The following FRMPD4 variants were observed in gnomAD, a reference collection of about 807,000 sequenced individuals.
The protein encoded by FRMPD4 is FERM and PDZ domain containing 4.
Under a neutral mutation model 94.1 loss-of-function variants are expected in FRMPD4, and 22 were observed. The ratio of observed to expected loss-of-function variants is 0.23; its 90% CI spans 0.17 to 0.33. FRMPD4 has a LOEUF of 0.33. FRMPD4 is among the 10% of genes least tolerant of loss of function. The pLI, the probability that FRMPD4 is intolerant of heterozygous loss-of-function variation, is 1.00. For missense variants in FRMPD4, 1,111 were observed against 1,339.9 expected, an observed-to-expected ratio of 0.83 and a Z score of 2.67; for synonymous variants, 631 against 548.6, an observed-to-expected ratio of 1.15 and a Z score of -2.10.
chrX:12,347,536 T>C (rs960027637), intron 1 of FRMPD4, among the ~76,000 whole-genome samples: 1 of 112,161 alleles, frequency 8.9e-6, no homozygotes, highest in African/African-American at 3.2e-5. Context: ...ATGCCTGACC[T>C]TGAATTTTTA....
intron 1 of FRMPD4, among the ~76,000 whole-genome samples, chrX:12,457,809 C>T (rs930562360): frequency 1.8e-5 from 2 of 111,805 alleles, no homozygotes; most frequent in Non-Finnish European, 1.9e-5. Context: ...TTACCATCAC[C>T]GTCTCTCTTA....
intron 3 of FRMPD4, among the ~76,000 whole-genome samples, chrX:11,971,416 A>G (rs2054339703): frequency 8.8e-6 from 1 of 113,131 alleles, no homozygotes; most frequent in Admixed American, 9.3e-5. Flanking sequence ...GTATAAATTT[A>G]ACAATGTAAA....
At chrX:12,436,169 C>A (rs2057064490) in intron 1 of FRMPD4, among the ~76,000 whole-genome samples, 1 of 110,736 alleles carries the variant, frequency 9.0e-6, no homozygotes, top group Non-Finnish European at 1.9e-5. Flanking sequence ...TCACATCTGG[C>A]TAATTTTTGT....
At chrX:12,608,986 C>T (rs1442764865) in intron 2 of FRMPD4, among the ~76,000 whole-genome samples, 2 of 112,305 alleles carry the variant, frequency 1.8e-5, no homozygotes, top group African/African-American at 6.5e-5. Context: ...ATACTGTTGA[C>T]CAGAAGTCTT....
intron 2 of FRMPD4, among the ~76,000 whole-genome samples, chrX:12,600,833 TATA>T (rs1256740699): frequency 1.8e-5 from 2 of 112,260 alleles, no homozygotes; most frequent in African/African-American, 6.5e-5. Flanking sequence ...ATTGTCTTTT[TATA>T]ATAAGTTCTG....
chrX:11,867,879 A>T (rs938844991), intron 2 of FRMPD4, among the ~76,000 whole-genome samples: 1 of 111,415 alleles, frequency 9.0e-6, no homozygotes, highest in Admixed American at 9.5e-5. Flanking sequence ...CGTTTCCAAG[A>T]TCCCCATGAG....
At chrX:12,480,871 A>G (rs73438720) in intron 1 of FRMPD4, among the ~76,000 whole-genome samples, 6,221 of 111,972 alleles carry the variant, frequency 0.056, 439 homozygotes, top group African/African-American at 0.19. Flanking sequence ...TTTGGTATGG[A>G]TATTTTCCCT....
chrX:12,165,481 T>C (rs1348632214), intron 1 of FRMPD4, among the ~76,000 whole-genome samples: 11 of 111,713 alleles, frequency 9.8e-5, no homozygotes, highest in Admixed American at 3.8e-4. Flanking sequence ...AGTCAGGTAG[T>C]GTGATGCCTC....
intron 1 of FRMPD4, among the ~76,000 whole-genome samples, chrX:12,306,080 C>CA (rs11291162): frequency 0.066 from 3,530 of 53,581 alleles, 174 homozygotes; most frequent in African/African-American, 0.17. Context: ...TGCTGTGCTT[C>CA]AAAAAAAAAA....
chrX:12,418,236 A>G (rs1422249008), intron 1 of FRMPD4, among the ~76,000 whole-genome samples: 1 of 109,982 alleles, frequency 9.1e-6, no homozygotes, highest in East Asian at 2.8e-4. Flanking sequence ...CCATCACCAT[A>G]GAGACAGCTT....
chrX:12,011,006 G>A (rs1352268017), intron 3 of FRMPD4, among the ~76,000 whole-genome samples: 1 of 112,423 alleles, frequency 8.9e-6, no homozygotes, highest in Non-Finnish European at 1.9e-5. Context: ...GAATGCACTG[G>A]AGTGGGTGTA....
chrX:12,057,339 G>T (rs1227554562), intron 3 of FRMPD4, among the ~76,000 whole-genome samples: 1 of 111,495 alleles, frequency 9.0e-6, no homozygotes, highest in African/African-American at 3.3e-5. Context: ...ATTTGTGTCT[G>T]CTGTTCTGTG....
chrX:12,047,412 C>A (rs1236112030), intron 3 of FRMPD4, among the ~76,000 whole-genome samples: 2 of 111,390 alleles, frequency 1.8e-5, no homozygotes, highest in Admixed American at 9.5e-5. Flanking sequence ...AAATTTATAA[C>A]CCTAAATTCT....
At chrX:11,852,573 T>G (rs1319985798) in intron 1 of FRMPD4, among the ~76,000 whole-genome samples, 1 of 111,817 alleles carries the variant, frequency 8.9e-6, no homozygotes, top group Admixed American at 9.5e-5. Context: ...CTGTGTGTAC[T>G]TTAAAAGAAT....
At chrX:12,441,752 A>T (rs1031179367) in intron 1 of FRMPD4, among the ~76,000 whole-genome samples, 1 of 112,128 alleles carries the variant, frequency 8.9e-6, no homozygotes, top group African/African-American at 3.2e-5. Flanking sequence ...AATTCTGTCA[A>T]CTTCCAGGTA....
chrX:12,689,894 C>A (rs1375136036), intron 7 of FRMPD4, among the ~76,000 whole-genome samples: 1 of 112,415 alleles, frequency 8.9e-6, no homozygotes, highest in Admixed American at 9.4e-5. Context: ...CTATTGACAA[C>A]CTTTCTATAT....
chrX:11,995,042 C>A (rs2054489335), intron 3 of FRMPD4, among the ~76,000 whole-genome samples: 1 of 109,592 alleles, frequency 9.1e-6, no homozygotes, highest in South Asian at 3.8e-4. Flanking sequence ...CTCTAAAATA[C>A]TTGCAACACT....
At chrX:12,243,845 C>T (rs1189944297) in intron 1 of FRMPD4, among the ~76,000 whole-genome samples, 2 of 87,407 alleles carry the variant, frequency 2.3e-5, no homozygotes, top group East Asian at 3.6e-4. Flanking sequence ...CCAGTTCTGT[C>T]GCCCAGGCTG....
rs745353012 is a variant in FRMPD4 at position 12,716,248 on chromosome X, A to G, written c.1789A>G (p.Ile597Val). The change falls in exon 15 of 17, where the codon ATA (isoleucine) becomes GTA (valine). Residue 597 changes from isoleucine to valine, a missense_variant. Ile to Val is a conservative substitution (Grantham distance 29, BLOSUM62 3). Around this residue, in one of 8 missense-constraint regions of FRMPD4, gnomAD observed 192 missense variants for 192.5 expected, o/e 1.00. Transcript: ENST00000675598. ...TCCAAAAGAGCACCGGCACTTGTAC[A>G]TAGACAATGCCTATAGTTCAGATGG... ...MCPKEHRHLY[I>V]DNAYSSDGLN... The G allele has an allele frequency of 5.0e-6, 6 of 1,208,731 alleles. No individual in the cohort carries two copies. Among genetic ancestry groups the G allele is most frequent in the Admixed American group, 4.4e-5 (2 of 45,781 alleles).
Sources: gnomAD v4.1 joint callset for allele counts (sites outside exome capture counted in the v4.1 genomes callset) on GRCh38, gnomAD v4.1.1 for gene constraint, gnomAD v4.1.1 regional missense constraint, MANE v1.5 for transcripts, NCBI Gene and HGNC (gene_info 2026-07-23, HGNC 2026-07-21) for gene names.